N4BP2L2: variants seen among roughly 807,000 people sequenced by gnomAD.
The protein encoded by N4BP2L2 is NEDD4-binding protein 2-like 2.
In N4BP2L2, 50 loss-of-function variants were observed where a neutral mutation model predicts 56.2. That is an observed-to-expected ratio of 0.89 (90% CI 0.71 to 1.13). The LOEUF is 1.13. N4BP2L2 is among the 50% of genes most tolerant of loss of function. The pLI, the probability that N4BP2L2 is intolerant of heterozygous loss-of-function variation, is 0.00. For synonymous variants in N4BP2L2, 203 were observed against 223.6 expected (o/e 0.91, Z 0.82); for missense variants, 689 against 693.8 (o/e 0.99, Z 0.08).
At chr13:32,517,695 GTGAGGCAC>G in exon 6 of N4BP2L2, 1 of 1,445,262 alleles carries the variant, frequency 6.9e-7, no homozygotes, top group East Asian at 2.5e-5. Flanking sequence ...AACATCCTTT[GTGAGGCAC>G]TGTAGCCTTT....
intron 3 of N4BP2L2, among the ~76,000 whole-genome samples, chr13:32,526,063 A>C (rs1009550827): frequency 6.6e-6 from 1 of 152,008 alleles, no homozygotes; most frequent in African/African-American, 2.4e-5. Flanking sequence ...GAACCTAATC[A>C]AGCCTCTAAT....
At chr13:32,517,522 T>C in exon 6 of N4BP2L2, 1 of 1,131,416 alleles carries the variant, frequency 8.8e-7, no homozygotes, top group Non-Finnish European at 1.1e-6. Flanking sequence ...AAAATTCGAT[T>C]GTAGAAAAAC....
exon 6 of N4BP2L2, chr13:32,511,420 C>A (rs917587365): frequency 6.6e-6 from 1 of 152,206 alleles, no homozygotes; most frequent in African/African-American, 2.4e-5. Flanking sequence ...TACTGCTTAT[C>A]AATTAGCATC....
rs748956526 is a variant in N4BP2L2 at position 32,535,769 on chromosome 13, C to T, written c.1259G>A (p.Arg420Gln). The T allele has an allele frequency of 6.8e-6, 11 of 1,610,362 alleles. No homozygotes were observed. In the Admixed American group the frequency reaches 8.4e-5, roughly 12 times the overall value. The change falls in exon 2 of 6, where the codon CGA becomes CAA. Residue 420 changes from arginine (R) to glutamine (Q), a missense_variant and splice_region_variant. Arg to Gln is a conservative substitution (Grantham distance 43). Transcript: ENST00000267068. ...TATTCAGTTGGTATCCTTTACTTAC[C>T]GAGACAATGTTGTTTTCCCAGAACC...
exon 2 of N4BP2L2, chr13:32,536,566 T>C (rs766550570): frequency 1.9e-6 from 3 of 1,613,906 alleles, no homozygotes; most frequent in South Asian, 1.1e-5. Flanking sequence ...TCTCTTTTTG[T>C]CCTCCTCTGT....
downstream of N4BP2L2, chr13:32,505,718 A>G (rs2090837367): frequency 6.6e-6 from 1 of 152,170 alleles, no homozygotes; most frequent in Non-Finnish European, 1.5e-5. Flanking sequence ...TATATTCCTC[A>G]TTTGTTTGAG....
intron 6 of N4BP2L2, among the ~76,000 whole-genome samples, chr13:32,501,011 G>C (rs913264933): frequency 2.0e-4 from 30 of 151,996 alleles, no homozygotes; most frequent in Non-Finnish European, 1.5e-5. Context: ...TGGGATTACA[G>C]GCATGCATCA....
chr13:32,535,544 T>C (rs1231650479), intron 2 of N4BP2L2, among the ~76,000 whole-genome samples: 1 of 152,222 alleles, frequency 6.6e-6, no homozygotes, highest in Non-Finnish European at 1.5e-5. Context: ...TTGTCAGTGA[T>C]TACAAGTATC....
intron 6 of N4BP2L2, among the ~76,000 whole-genome samples, chr13:32,465,844 G>A (rs2081126980): frequency 6.6e-6 from 1 of 152,094 alleles, no homozygotes. Flanking sequence ...AGTGGAGACA[G>A]GGTTTCACCA....
chr13:32,440,167 C>T (rs1431389443), intron 7 of N4BP2L2, among the ~76,000 whole-genome samples: 1 of 152,160 alleles, frequency 6.6e-6, no homozygotes, highest in Admixed American at 6.5e-5. Context: ...GGCCCTAGGA[C>T]TTAGTCAATC....
intron 6 of N4BP2L2, among the ~76,000 whole-genome samples, chr13:32,447,966 C>T (rs2077299188): frequency 6.6e-6 from 1 of 152,118 alleles, no homozygotes; most frequent in South Asian, 2.1e-4. Flanking sequence ...AGGCAGTTTG[C>T]TAAGAGTTAA....
At chr13:32,448,592 A>G (rs894579725) in intron 6 of N4BP2L2, among the ~76,000 whole-genome samples, 1 of 152,228 alleles carries the variant, frequency 6.6e-6, no homozygotes, top group Non-Finnish European at 1.5e-5. Context: ...GTGTTTGTTC[A>G]GATACAAGCT....
chr13:32,433,668 T>G (rs1350941369), intron 9 of N4BP2L2, among the ~76,000 whole-genome samples: 1 of 151,452 alleles, frequency 6.6e-6, no homozygotes, highest in Non-Finnish European at 1.5e-5. Flanking sequence ...GGCTCATGCC[T>G]GTAATCCCAG....
At chr13:32,458,422 G>A (rs186223197) in intron 6 of N4BP2L2, among the ~76,000 whole-genome samples, 91 of 152,176 alleles carry the variant, frequency 6.0e-4, no homozygotes, top group African/African-American at 1.9e-3. Context: ...CATTTCTCCT[G>A]TAGAAACACA....
At chr13:32,439,854 TCC>T (rs575930672) in intron 7 of N4BP2L2, among the ~76,000 whole-genome samples, 4,025 of 43,466 alleles carry the variant, frequency 0.093, 163 homozygotes, top group East Asian at 0.13. Flanking sequence ...CTATTAAGAA[TCC>T]AAAAAAAAAA....
intron 6 of N4BP2L2, among the ~76,000 whole-genome samples, chr13:32,503,506 T>G (rs2090399407): frequency 6.6e-6 from 1 of 152,170 alleles, no homozygotes; most frequent in African/African-American, 2.4e-5. Flanking sequence ...AGCTATATAT[T>G]CAAGAGTAGG....
intron 6 of N4BP2L2, among the ~76,000 whole-genome samples, chr13:32,469,906 A>G (rs1230932904): frequency 2.0e-5 from 3 of 152,192 alleles, no homozygotes; most frequent in Non-Finnish European, 4.4e-5. Flanking sequence ...TCTGTTTGAT[A>G]AGGGAACTGG....
intron 6 of N4BP2L2, among the ~76,000 whole-genome samples, chr13:32,464,454 G>T (rs1034551122): frequency 6.6e-6 from 1 of 152,124 alleles, no homozygotes; most frequent in African/African-American, 2.4e-5. Context: ...ACAAGTGAAG[G>T]CTCCTGAGTT....
chr13:32,445,526 TG>T (rs1333806184), intron 6 of N4BP2L2, among the ~76,000 whole-genome samples: 1 of 152,224 alleles, frequency 6.6e-6, no homozygotes, highest in Non-Finnish European at 1.5e-5. Context: ...ACATGAAGAA[TG>T]GTTGATAATG....
Sources: gnomAD v4.1 joint callset for allele counts (sites outside exome capture counted in the v4.1 genomes callset) on GRCh38, gnomAD v4.1.1 for gene constraint, MANE v1.5 for transcripts, NCBI Gene and HGNC (gene_info 2026-07-23, HGNC 2026-07-21) for gene names.